Variants in MAP3K5 observed in about 807,000 individuals in gnomAD.
MAP3K5 encodes mitogen-activated protein kinase kinase kinase 5.
A neutral mutation model predicts 158.7 loss-of-function variants in MAP3K5; 56 were observed. That is an observed-to-expected ratio of 0.35 (90% CI 0.28 to 0.44). The LOEUF is 0.44. Among genes scored for constraint, MAP3K5 ranks in the 20% least tolerant of loss-of-function variants. The pLI is 1.00. For synonymous variants in MAP3K5, 579 were observed against 601.7 expected (o/e 0.96, Z 0.55); for missense variants, 1,294 against 1,674.8 (o/e 0.77, Z 3.97).
intron 1 of MAP3K5, among the ~76,000 whole-genome samples, chr6:136,737,027 A>ATG (rs1388190123): frequency 2.0e-4 from 26 of 128,648 alleles, no homozygotes; most frequent in African/African-American, 7.6e-4. Context: ...TTACATATAT[A>ATG]TATGTGTGTG....
Position 136,580,678 on chromosome 6 carries a change from T to C in MAP3K5, c.3412-272A>G, listed in dbSNP as rs540406562. On this transcript the variant is annotated intron_variant, in intron 24 of 29. Transcript: ENST00000359015. ...CTTCTTTGGGACTCAGAATGTGCAGTTTTTAGCTTTTATAATGTCTGCAGA... is the reference window on the plus strand; with the variant it reads ...CTTCTTTGGGACTCAGAATGTGCAGCTTTTAGCTTTTATAATGTCTGCAGA... 3.5e-4 allele frequency among the ~76,000 whole-genome samples: 53 copies of C among 152,248 alleles called. 1 individual carries two copies. Among genetic ancestry groups the C allele is most frequent in the Middle Eastern group, 3.4e-3 (1 of 294 alleles).
chr6:136,738,942 GCACACACACACA>G (rs59144448), intron 1 of MAP3K5, among the ~76,000 whole-genome samples: 2 of 149,690 alleles, frequency 1.3e-5, no homozygotes, highest in African/African-American at 4.9e-5. Flanking sequence ...ACACACGCGT[GCACACACACACA>G]CACACACACA....
chr6:136,644,997 T>C (rs1274636555), intron 11 of MAP3K5, among the ~76,000 whole-genome samples: 1 of 152,174 alleles, frequency 6.6e-6, no homozygotes, highest in Non-Finnish European at 1.5e-5. Context: ...GGGGTAATCA[T>C]AGCTCACTAC....
chr6:136,769,298 T>C (rs978017474), intron 1 of MAP3K5, among the ~76,000 whole-genome samples: 4 of 152,126 alleles, frequency 2.6e-5, no homozygotes, highest in African/African-American at 4.8e-5. Flanking sequence ...ATACCTAGAA[T>C]AGGCAAATTT....
At chr6:136,667,127 C>A (rs914487067) in intron 8 of MAP3K5, among the ~76,000 whole-genome samples, 2 of 152,096 alleles carry the variant, frequency 1.3e-5, no homozygotes, top group African/African-American at 4.8e-5. Flanking sequence ...ACTGTCAATT[C>A]CTGCAACAAT....
At chr6:136,730,532 TAACACAGTAA>T (rs1484960945) in intron 1 of MAP3K5, among the ~76,000 whole-genome samples, 7 of 151,690 alleles carry the variant, frequency 4.6e-5, no homozygotes, top group African/African-American at 1.5e-4. Flanking sequence ...CCATCCTGGC[TAACACAGTAA>T]AACCCCGTCT....
chr6:136,690,635 C>T (rs1310596354), intron 7 of MAP3K5, among the ~76,000 whole-genome samples: 6 of 151,912 alleles, frequency 3.9e-5, no homozygotes, highest in Non-Finnish European at 1.5e-5. Context: ...TGTGAATAAC[C>T]TGTTCATATC....
chr6:136,602,983 A>G (rs1418537891), intron 19 of MAP3K5, among the ~76,000 whole-genome samples: 1 of 152,096 alleles, frequency 6.6e-6, no homozygotes, highest in Non-Finnish European at 1.5e-5. Context: ...TGGTATTTTC[A>G]TTTTTTAGTA....
At chr6:136,750,180 C>A (rs1414446003) in intron 1 of MAP3K5, among the ~76,000 whole-genome samples, 1 of 152,176 alleles carries the variant, frequency 6.6e-6, no homozygotes, top group Non-Finnish European at 1.5e-5. Context: ...TAGGTTCGAG[C>A]AATTCTCCTG....
At position 136,622,968 on chromosome 6, in the gene MAP3K5, T is replaced by C. The variant is rs1562555241; in HGVS notation, c.2030A>G (p.Tyr677Cys). 6.2e-7 allele frequency: 1 copy of C among 1,613,868 alleles called. No homozygotes were observed. The highest frequency in any genetic ancestry group is 1.1e-5 in the South Asian group (1 of 91,076). Residue 677 changes from tyrosine (Y) to cysteine (C), a missense_variant, in exon 15 of 30, where the codon TAT becomes TGT. Transcript: ENST00000359015. Reference protein sequence around the residue: ...ESDLLEYDYEYDENGDRVVLG... With the variant: ...ESDLLEYDYECDENGDRVVLG... The stretch of plus-strand genomic sequence containing the variant: ...AACGACTCTGTCACCATTTTCATCA[T>C]ATTCATAGTCATACTACAAAAGGAA...
chr6:136,557,952 A>T, intron 29 of MAP3K5, 134 bp from the exon 30 acceptor site: 1 of 642,208 alleles, frequency 1.6e-6, no homozygotes, highest in South Asian at 1.8e-5. Flanking sequence ...GTTATTATGT[A>T]TTCTTTTTGT....
chr6:136,785,582 T>C (rs1476491633), intron 1 of MAP3K5, among the ~76,000 whole-genome samples: 1 of 152,114 alleles, frequency 6.6e-6, no homozygotes, highest in African/African-American at 2.4e-5. Flanking sequence ...GGGTCTTACG[T>C]CGGCCAGAAG....
chr6:136,784,739 TAA>T (rs1784768588), intron 1 of MAP3K5, among the ~76,000 whole-genome samples: 1 of 152,124 alleles, frequency 6.6e-6, no homozygotes, highest in Non-Finnish European at 1.5e-5. Context: ...ATGGGAAAAA[TAA>T]ATAACAAGTC....
chr6:136,654,063 A>T (rs6910488), intron 10 of MAP3K5, among the ~76,000 whole-genome samples: 16,785 of 152,270 alleles, frequency 0.11, 1,690 homozygotes, highest in East Asian at 0.26. Flanking sequence ...AAATATGCCA[A>T]AAATATGTTG....
At position 136,650,868 on chromosome 6, in the gene MAP3K5, C is replaced by A. The variant is rs974921903; in HGVS notation, c.1788+116G>T. 12 of 559,984 alleles carry A rather than the reference C, an allele frequency of 2.1e-5. No individual in the cohort carries two copies. The Admixed American group carries it at 3.8e-4, about 18-fold the overall frequency. 34.7% of individuals were successfully genotyped at this position (559,984 alleles called of 1,614,324 possible). A position where few individuals can be genotyped will look rare whatever the true frequency, so the allele number is the denominator to read the frequency against. ...GAATGCATTTATGCCAAGACAGACA[C>A]ACAGCTGAGCTATTTCTTCTTAACT... On this transcript the variant is annotated intron_variant, in intron 11 of 29. Coordinates refer to ENST00000359015, the MANE Select transcript of MAP3K5 (RefSeq NM_005923.4).
At position 136,720,528 on chromosome 6, in the gene MAP3K5, C is replaced by A; in HGVS notation, c.510G>T (p.Gly170=). Residue 170 remains glycine, a synonymous_variant, in exon 2 of 30, where the codon GGG becomes GGT. Coordinates refer to ENST00000359015, the MANE Select transcript of MAP3K5 (RefSeq NM_005923.4). ...TGGCCATGCTGAAACTTTCTCTCAC[C>A]CCAAGGTGGTAAAACAAGGACGGCT... ...FRQPSLFYHL[G]VRESFSMANN... is the part of the protein sequence containing the mutation. 1 of 1,613,436 alleles carries A rather than the reference C, an allele frequency of 6.2e-7. No homozygotes were observed. The highest frequency in any genetic ancestry group is 8.5e-7 in the Non-Finnish European group (1 of 1,179,628).
chr6:136,559,082 G>C (rs1270549879), intron 28 of MAP3K5, among the ~76,000 whole-genome samples: 2 of 152,160 alleles, frequency 1.3e-5, no homozygotes, highest in Non-Finnish European at 2.9e-5. Context: ...CGGGCGCAGT[G>C]GCTCACGCCT....
intron 1 of MAP3K5, among the ~76,000 whole-genome samples, chr6:136,768,127 C>T (rs932547115): frequency 6.6e-6 from 1 of 152,176 alleles, no homozygotes; most frequent in African/African-American, 2.4e-5. Context: ...AGGTGTAAAT[C>T]TCTGTGACAT....
At chr6:136,650,427 CT>C (rs1336569468) in intron 11 of MAP3K5, among the ~76,000 whole-genome samples, 2 of 152,252 alleles carry the variant, frequency 1.3e-5, no homozygotes, top group Non-Finnish European at 2.9e-5. Flanking sequence ...ATCCACATGA[CT>C]GCTATGAGCG....
Sources: gnomAD v4.1 joint callset for allele counts (sites outside exome capture counted in the v4.1 genomes callset) on GRCh38, gnomAD v4.1.1 for gene constraint, MANE v1.5 for transcripts, NCBI Gene and HGNC (gene_info 2026-07-23, HGNC 2026-07-21) for gene names.